The following PRKCQ variants were observed in gnomAD, a reference collection of about 807,000 sequenced individuals.
PRKCQ encodes protein kinase C theta type.
PRKCQ carries 41 observed loss-of-function variants against 91.2 expected under a neutral mutation model. The observed-to-expected ratio is 0.45, with a 90% CI of 0.35 to 0.58. The LOEUF is 0.58. Ranked by LOEUF, PRKCQ falls within the 20% of genes least tolerant of loss-of-function variation. PRKCQ has a pLI of 0.00. For synonymous variants in PRKCQ, 307 were observed against 316.9 expected, an observed-to-expected ratio of 0.97 and a Z score of 0.33; for missense variants, 673 against 896.5, an observed-to-expected ratio of 0.75 and a Z score of 3.18.
chr10:6,498,560 T>A lies in PRKCQ; in HGVS notation c.380-2A>T. ...CAAATTCATTCATGTCCTTTGTGTCTACAGGAAGAGAGAGGGGAAGAAAGT... is the reference window on the plus strand; with the variant it reads ...CAAATTCATTCATGTCCTTTGTGTCAACAGGAAGAGAGAGGGGAAGAAAGT... On this transcript the variant is annotated splice_acceptor_variant, in intron 4 of 17. Transcript: ENST00000263125. LOFTEE classifies it high-confidence loss of function. 1.9e-6 allele frequency: 3 copies of A among 1,613,744 alleles called. No homozygotes were observed. The highest frequency in any genetic ancestry group is 2.5e-6 in the Non-Finnish European group (3 of 1,179,808).
intron 15 of PRKCQ, among the ~76,000 whole-genome samples, chr10:6,444,810 T>G (rs1172862351): frequency 6.6e-6 from 1 of 152,122 alleles, no homozygotes; most frequent in East Asian, 1.9e-4. Context: ...TTGGAATGAA[T>G]GGCAGAATTG....
chr10:6,493,856 CCTT>C (rs1308316155), intron 7 of PRKCQ, among the ~76,000 whole-genome samples: 1 of 152,162 alleles, frequency 6.6e-6, no homozygotes, highest in South Asian at 2.1e-4. Flanking sequence ...AAGTTTATCT[CCTT>C]CTGCTTCTAA....
chr10:6,402,416 C>T, the PRKCQ span, among the ~76,000 whole-genome samples: 3 of 148,506 alleles, frequency 2.0e-5, no homozygotes, highest in South Asian at 4.2e-4. Flanking sequence ...CTATTCCTTC[C>T]GCTCTTTCCT....
chr10:6,424,871 C>T (rs1564282870), downstream of PRKCQ, among the ~76,000 whole-genome samples: 2 of 152,136 alleles, frequency 1.3e-5, no homozygotes, highest in Non-Finnish European at 2.9e-5. Context: ...TTTTCCAAAA[C>T]CTTTAACTAT....
intron 16 of PRKCQ, among the ~76,000 whole-genome samples, chr10:6,438,770 A>AT (rs982925251): frequency 6.6e-5 from 10 of 152,006 alleles, no homozygotes; most frequent in African/African-American, 2.4e-4. Context: ...TAATTTTTAG[A>AT]TTTTTTGTAG....
At position 6,477,606 on chromosome 10, in the gene PRKCQ, G is replaced by A. The variant is rs1357191936; in HGVS notation, c.1353+1386C>T. Among the ~76,000 whole-genome samples, 3 of 152,198 alleles carry A rather than the reference G, an allele frequency of 2.0e-5. No individual in the cohort carries two copies. In the East Asian group the frequency reaches 5.8e-4, roughly 29 times the overall value. On this transcript the variant is annotated intron_variant, in intron 12 of 17. Coordinates refer to ENST00000263125, the MANE Select transcript of PRKCQ (RefSeq NM_006257.5). The stretch of plus-strand genomic sequence containing the variant: ...AAAAGGGCTGGGTGCGTTGGCTCAC[G>A]CCTGTAATCCTAGCACTTTGGGAGG...
chr10:6,448,415 A>ATTT (rs33922767), intron 15 of PRKCQ, among the ~76,000 whole-genome samples: 9 of 148,420 alleles, frequency 6.1e-5, no homozygotes, highest in African/African-American at 2.2e-4. Flanking sequence ...GTAGCACTTA[A>ATTT]TTTTTTTTTT....
At chr10:6,415,429 T>C in the PRKCQ span, among the ~76,000 whole-genome samples, 8 of 62,748 alleles carry the variant, frequency 1.3e-4, no homozygotes, top group Non-Finnish European at 2.9e-4. Flanking sequence ...TATATATATA[T>C]ATATATATAT....
intron 17 of PRKCQ, among the ~76,000 whole-genome samples, chr10:6,429,583 A>G (rs1833303311): frequency 6.6e-6 from 1 of 152,100 alleles, no homozygotes; most frequent in East Asian, 1.9e-4. Flanking sequence ...TTCAGCACGG[A>G]TATGGCCCAT....
chr10:6,480,952 T>G (rs1204340398), intron 11 of PRKCQ, among the ~76,000 whole-genome samples: 1 of 152,192 alleles, frequency 6.6e-6, no homozygotes, highest in Non-Finnish European at 1.5e-5. Flanking sequence ...AAAATTTGTT[T>G]GAGAACAAGG....
chr10:6,508,267 A>G (rs935693847), intron 3 of PRKCQ, among the ~76,000 whole-genome samples: 2 of 149,538 alleles, frequency 1.3e-5, no homozygotes, highest in South Asian at 2.2e-4. Flanking sequence ...CCATCCCACT[A>G]TGCCATTAAC....
At chr10:6,397,549 A>G in the PRKCQ span, among the ~76,000 whole-genome samples, 1 of 152,208 alleles carries the variant, frequency 6.6e-6, no homozygotes, top group Non-Finnish European at 1.5e-5. Context: ...TGTTGTTTAA[A>G]GTGCAGACAT....
chr10:6,559,648 C>T (rs535384568), intron 1 of PRKCQ, among the ~76,000 whole-genome samples: 86 of 152,272 alleles, frequency 5.6e-4, no homozygotes, highest in Non-Finnish European at 1.0e-3. Flanking sequence ...TGTGAGCCAC[C>T]GTGCCTGGCC....
intron 2 of PRKCQ, 90 bp from the exon 3 acceptor site, chr10:6,511,284 G>C (rs1197070036): frequency 1.7e-6 from 2 of 1,202,700 alleles, no homozygotes; most frequent in African/African-American, 3.0e-5. Context: ...TGCTCCCTCT[G>C]TTCTCTGGGA....
chr10:6,555,440 C>T (rs2130943766), intron 1 of PRKCQ, among the ~76,000 whole-genome samples: 1 of 152,272 alleles, frequency 6.6e-6, no homozygotes, highest in African/African-American at 2.4e-5. Context: ...TTTCAGACAA[C>T]AGACATTCAG....
At chr10:6,482,867 A>G (rs919131576) in intron 11 of PRKCQ, among the ~76,000 whole-genome samples, 2 of 152,128 alleles carry the variant, frequency 1.3e-5, no homozygotes, top group South Asian at 2.1e-4. Flanking sequence ...CTTACTCACT[A>G]TCATGGGAAC....
chr10:6,545,493 G>T (rs1267090339), intron 1 of PRKCQ, among the ~76,000 whole-genome samples: 1 of 152,160 alleles, frequency 6.6e-6, no homozygotes, highest in Non-Finnish European at 1.5e-5. Context: ...AGACACCAAG[G>T]GACAAATGTT....
At chr10:6,489,365 C>A in intron 8 of PRKCQ, 1 of 509,474 alleles carries the variant, frequency 2.0e-6, no homozygotes, top group South Asian at 1.5e-5. Context: ...ACCACCATCT[C>A]CACGAGAAGG....
intron 1 of PRKCQ, among the ~76,000 whole-genome samples, chr10:6,535,467 T>C (rs1446632918): frequency 6.6e-6 from 1 of 152,038 alleles, no homozygotes; most frequent in African/African-American, 2.4e-5. Context: ...TATGTATTAA[T>C]ACATTTTTTT....
Sources: allele counts gnomAD v4.1 joint callset (sites outside exome capture counted in the v4.1 genomes callset), GRCh38; gene constraint gnomAD v4.1.1; transcripts MANE v1.5; gene names NCBI Gene and HGNC (gene_info 2026-07-23, HGNC 2026-07-21).